The following ADGRG6 variants were observed in gnomAD, a reference collection of about 807,000 sequenced individuals.
ADGRG6 encodes G-protein coupled receptor 126.
In ADGRG6, 84 loss-of-function variants were observed where a neutral mutation model predicts 142.4. The ratio of observed to expected loss-of-function variants is 0.59; its 90% CI spans 0.49 to 0.71. The LOEUF (loss-of-function observed/expected upper bound fraction) is 0.71. ADGRG6 is among the 30% of genes least tolerant of loss of function. The probability of loss-of-function intolerance (pLI) is 0.00; values close to 1 mark genes in which losing one functional copy is unlikely to be tolerated. For synonymous variants in ADGRG6, 521 were observed against 520.5 expected, an observed-to-expected ratio of 1.00 and a Z score of -0.01; for missense variants, 1,367 against 1,466.6, an observed-to-expected ratio of 0.93 and a Z score of 1.11.
intron 22 of ADGRG6, among the ~76,000 whole-genome samples, chr6:142,428,478 T>C (rs930400009): frequency 9.2e-5 from 14 of 152,162 alleles, no homozygotes; most frequent in African/African-American, 3.4e-4. Flanking sequence ...TTAATTTTAC[T>C]AACAGTATTA....
chr6:142,353,100 C>G (rs1230370733), intron 2 of ADGRG6, among the ~76,000 whole-genome samples: 1 of 152,140 alleles, frequency 6.6e-6, no homozygotes, highest in Admixed American at 6.6e-5. Context: ...GAGATATACA[C>G]TTGCTGTTTT....
intron 1 of ADGRG6, among the ~76,000 whole-genome samples, chr6:142,307,215 A>G (rs1230965708): frequency 6.6e-6 from 1 of 152,118 alleles, no homozygotes; most frequent in East Asian, 1.9e-4. Flanking sequence ...ATGAAAGATA[A>G]TTGTCGTATG....
At chr6:142,405,304 T>A (rs1478487296) in intron 14 of ADGRG6, 1 of 456,740 alleles carries the variant, frequency 2.2e-6, no homozygotes. Context: ...AACTTCAGTC[T>A]CTTTCTCTTT....
chr6:142,425,905 C>T (rs73582544), intron 22 of ADGRG6, among the ~76,000 whole-genome samples: 2,771 of 152,194 alleles, frequency 0.018, 54 homozygotes, highest in African/African-American at 0.052. Flanking sequence ...CATTTTTAAA[C>T]GCATTAGATC....
At chr6:142,428,181 T>G (rs1043611787) in intron 22 of ADGRG6, among the ~76,000 whole-genome samples, 10 of 152,216 alleles carry the variant, frequency 6.6e-5, no homozygotes, top group African/African-American at 2.2e-4. Context: ...GGTACTCACA[T>G]AAATTTGAAG....
intron 2 of ADGRG6, among the ~76,000 whole-genome samples, chr6:142,318,148 A>AT (rs377323719): frequency 4.9e-5 from 2 of 40,480 alleles, no homozygotes; most frequent in African/African-American, 2.5e-4. Context: ...TATAATATAT[A>AT]TTATATATTA....
intron 1 of ADGRG6, 23 bp downstream of exon 1, chr6:142,302,354 GA>G (rs781755630): frequency 1.7e-5 from 28 of 1,611,796 alleles, no homozygotes; most frequent in Non-Finnish European, 2.4e-5. Flanking sequence ...TTTCAGCTTG[GA>G]ATTCCTTCAC....
chr6:142,367,286 A>G (rs573810397), intron 2 of ADGRG6, among the ~76,000 whole-genome samples: 1 of 152,064 alleles, frequency 6.6e-6, no homozygotes, highest in African/African-American at 2.4e-5. Flanking sequence ...GCCCCTGCTC[A>G]TTTTACTGGA....
At chr6:142,357,428 T>C (rs895963662) in intron 2 of ADGRG6, among the ~76,000 whole-genome samples, 3 of 152,184 alleles carry the variant, frequency 2.0e-5, no homozygotes, top group Non-Finnish European at 2.9e-5. Context: ...AAAAACATTA[T>C]TTAAAAAAAT....
chr6:142,309,776 G>C, intron 2 of ADGRG6, 132 bp downstream of exon 2: 1 of 520,292 alleles, frequency 1.9e-6, no homozygotes, highest in Non-Finnish European at 3.3e-6. Context: ...TATCCTTATA[G>C]GGCAGTTTTT....
chr6:142,405,313 T>C (rs1356335793), intron 14 of ADGRG6: 1 of 458,010 alleles, frequency 2.2e-6, no homozygotes, highest in Non-Finnish European at 4.4e-6. Context: ...CTCTTTCTCT[T>C]TCTCTCTCCC....
chr6:142,395,491 T>C (rs920945312), intron 9 of ADGRG6, among the ~76,000 whole-genome samples: 8 of 152,206 alleles, frequency 5.3e-5, no homozygotes, highest in Non-Finnish European at 1.0e-4. Context: ...GTTCTTCTAC[T>C]ACCTGGTGAT....
chr6:142,440,974 T>G (rs769250382), intron 24 of ADGRG6: 4 of 1,370,512 alleles, frequency 2.9e-6, no homozygotes, highest in Non-Finnish European at 4.0e-6. Context: ...GTTACTTTTT[T>G]GAATGCATGA....
At chr6:142,435,494 G>C (rs6927524) in intron 22 of ADGRG6, among the ~76,000 whole-genome samples, 12,182 of 151,512 alleles carry the variant, frequency 0.08, 1,557 homozygotes, top group African/African-American at 0.27. Context: ...TGACCGCTCA[G>C]TCCTATTTTT....
chr6:142,311,220 C>A (rs1777753727), intron 2 of ADGRG6, among the ~76,000 whole-genome samples: 1 of 151,940 alleles, frequency 6.6e-6, no homozygotes, highest in African/African-American at 2.4e-5. Context: ...AGTACTTACA[C>A]TTGTTAAGTT....
chr6:142,409,999 A>G, intron 17 of ADGRG6, 80 bp downstream of exon 17: 2 of 599,080 alleles, frequency 3.3e-6, no homozygotes, highest in Non-Finnish European at 6.0e-6. Context: ...ATTTCCTTTA[A>G]TTCCACCCCA....
intron 22 of ADGRG6, among the ~76,000 whole-genome samples, chr6:142,425,358 A>C (rs1191294493): frequency 6.6e-6 from 1 of 152,208 alleles, no homozygotes; most frequent in Non-Finnish European, 1.5e-5. Flanking sequence ...AGAGATGTGC[A>C]CAGAACCAAG....
Position 142,302,229 on chromosome 6 carries a change from G to A in ADGRG6, c.-101G>A, listed in dbSNP as rs2114462312. 1.4e-6 allele frequency: 2 copies of A among 1,402,528 alleles called. No individual in the cohort carries two copies. Among genetic ancestry groups the A allele is most frequent in the Non-Finnish European group, 2.0e-6 (2 of 1,016,544 alleles). The allele number at this position is 1,402,528 out of a possible 1,614,324, so 86.9% of individuals were successfully genotyped here. A position where few individuals can be genotyped will look rare whatever the true frequency, so the allele number is the denominator to read the frequency against. On this transcript the variant is annotated 5_prime_UTR_variant, in exon 1 of 25. Transcript: ENST00000367609. Reference sequence around the variant, plus strand: ...AGGGTCCCGCCGCGGCGCAGGGCTGGGGCGCCTGGGTTCCCCCTGGGTGGA... The same window carrying A: ...AGGGTCCCGCCGCGGCGCAGGGCTGAGGCGCCTGGGTTCCCCCTGGGTGGA...
chr6:142,422,030 G>A (rs1422697353), intron 22 of ADGRG6, among the ~76,000 whole-genome samples: 1 of 152,140 alleles, frequency 6.6e-6, no homozygotes, highest in Non-Finnish European at 1.5e-5. Context: ...CCTTCCAAGA[G>A]AGGCTTTGTT....
Sources: allele counts gnomAD v4.1 joint callset (sites outside exome capture counted in the v4.1 genomes callset), GRCh38; gene constraint gnomAD v4.1.1; transcripts MANE v1.5; gene names NCBI Gene and HGNC (gene_info 2026-07-23, HGNC 2026-07-21).